Variants in SLIT1 observed in about 807,000 individuals in gnomAD.
SLIT1 encodes the protein slit guidance ligand 1.
SLIT1 carries 66 observed loss-of-function variants against 186.1 expected under a neutral mutation model. The ratio of observed to expected loss-of-function variants is 0.35; its 90% CI spans 0.29 to 0.44. SLIT1 has a LOEUF of 0.44. SLIT1 is among the 20% of genes least tolerant of loss of function. SLIT1 has a pLI of 1.00. For missense variants in SLIT1, 1,638 were observed against 2,037.4 expected, an observed-to-expected ratio of 0.80 and a Z score of 3.77; for synonymous variants, 761 against 833.8, an observed-to-expected ratio of 0.91 and a Z score of 1.50.
chr10:97,082,059 C>T (rs540592791), intron 4 of SLIT1, among the ~76,000 whole-genome samples: 2 of 152,376 alleles, frequency 1.3e-5, no homozygotes, highest in East Asian at 1.9e-4. Context: ...CTAGGAGAGG[C>T]ATGTGCTGAC....
intron 20 of SLIT1, among the ~76,000 whole-genome samples, chr10:97,041,352 C>G (rs1274078934): frequency 6.6e-6 from 1 of 150,784 alleles, no homozygotes; most frequent in African/African-American, 2.4e-5. Context: ...GCAAGATCCT[C>G]TGTGTGCCAC....
chr10:97,179,101 T>G (rs538551299), intron 1 of SLIT1, among the ~76,000 whole-genome samples: 1 of 152,082 alleles, frequency 6.6e-6, no homozygotes, highest in South Asian at 2.1e-4. Context: ...AAACCCTACC[T>G]CCACAACACA....
Position 97,004,178 on chromosome 10 carries a change from A to G in SLIT1, c.3755T>C (p.Val1252Ala), listed in dbSNP as rs1848338517. The change falls in exon 34 of 37, where the codon GTT (valine) becomes GCT (alanine). Residue 1252 changes from valine to alanine, a missense_variant. Val to Ala is a moderately conservative substitution (Grantham distance 64, BLOSUM62 0). Coordinates refer to ENST00000266058, the MANE Select transcript of SLIT1 (RefSeq NM_003061.3). This position sits in a 1 kb window ranked among gnomAD's most constrained non-coding sequence, Gnocchi z 5.1. The stretch of plus-strand genomic sequence containing the variant: ...GAGATTCACCATCTGGTCAAAGGCA[A>G]CCAGCTCAACGGTGTGGAATTGCCC... ...NDGQFHTVEL[V>A]AFDQMVNLSI... The G allele has an allele frequency of 1.2e-6, 2 of 1,613,746 alleles. No homozygotes were observed. Among genetic ancestry groups the G allele is most frequent in the African/African-American group, 1.3e-5 (1 of 74,946 alleles).
intron 10 of SLIT1, 90 bp from the exon 11 acceptor site, chr10:97,059,621 G>A: frequency 1.1e-6 from 1 of 913,196 alleles, no homozygotes; most frequent in Non-Finnish European, 1.8e-6. Context: ...AGATGTCACA[G>A]GAGCAGGGTG....
In SLIT1 at chr10:97,147,319, T is replaced by G. The variant is rs113588377; in HGVS notation, c.413+10499A>C. On this transcript the variant is annotated intron_variant, in intron 4 of 36. Coordinates refer to ENST00000266058, the MANE Select transcript of SLIT1 (RefSeq NM_003061.3). ...ATGGGTACAGAGTTTATATTGGGGATGTTGAAAACATTTTGGGTATAGATA... is the reference window on the plus strand; with the variant it reads ...ATGGGTACAGAGTTTATATTGGGGAGGTTGAAAACATTTTGGGTATAGATA... 3.0e-3 allele frequency among the ~76,000 whole-genome samples: 463 copies of G among 152,344 alleles called. 3 individuals carry two copies. The highest frequency in any genetic ancestry group is 0.011 in the African/African-American group (445 of 41,578).
At chr10:97,164,956 G>T in intron 1 of SLIT1, 66 bp from the exon 2 acceptor site, 1 of 1,247,048 alleles carries the variant, frequency 8.0e-7, no homozygotes, top group Non-Finnish European at 1.2e-6. Flanking sequence ...CAGGGGCCCT[G>T]CTCCAGGTGC....
chr10:97,094,863 C>T (rs192539854), intron 4 of SLIT1, among the ~76,000 whole-genome samples: 29 of 152,288 alleles, frequency 1.9e-4, no homozygotes, highest in African/African-American at 7.0e-4. Context: ...AGAACTTTTA[C>T]AATTTATGGA....
In SLIT1 at chr10:97,117,553, C is replaced by G; in HGVS notation, c.413+40265G>C. 1.3e-5 allele frequency among the ~76,000 whole-genome samples: 2 copies of G among 152,148 alleles called. 1 individual carries two copies. The highest frequency in any genetic ancestry group is 1.3e-4 in the Admixed American group (2 of 15,284). On this transcript the variant is annotated intron_variant, in intron 4 of 36. Transcript: ENST00000266058. ...ATTTCCAGGAACAACCCTTGAGGCT[C>G]TATAGCATACTACTGCCACCTGGTG...
intron 22 of SLIT1, among the ~76,000 whole-genome samples, chr10:97,037,202 C>A (rs1285763280): frequency 6.6e-6 from 1 of 152,032 alleles, no homozygotes; most frequent in African/African-American, 2.4e-5. Context: ...TCAAGCGATT[C>A]TCCTACCTCA....
intron 4 of SLIT1, among the ~76,000 whole-genome samples, chr10:97,150,241 G>A (rs1040647181): frequency 6.6e-6 from 1 of 152,184 alleles, no homozygotes; most frequent in Admixed American, 6.5e-5. Flanking sequence ...GCATGGATGC[G>A]TCACAATAGC....
At chr10:97,165,120 G>A (rs1356648082) in intron 1 of SLIT1, among the ~76,000 whole-genome samples, 1 of 152,216 alleles carries the variant, frequency 6.6e-6, no homozygotes, top group Admixed American at 6.5e-5. Context: ...TGGGAGTGCT[G>A]TGGAAACCAA....
At chr10:97,044,912 G>C (rs913959070) in intron 18 of SLIT1, among the ~76,000 whole-genome samples, 1 of 152,232 alleles carries the variant, frequency 6.6e-6, no homozygotes, top group Non-Finnish European at 1.5e-5. Flanking sequence ...GATCAGGATG[G>C]GGGTTCTTTG....
chr10:97,002,142 G>T lies in SLIT1; in HGVS notation c.4366+16C>A. 7.0e-7 allele frequency: 1 copy of T among 1,423,522 alleles called. No individual in the cohort carries two copies. Among genetic ancestry groups the T allele is most frequent in the Non-Finnish European group, 9.3e-7 (1 of 1,080,606 alleles). 88.2% of individuals were successfully genotyped at this position (1,423,522 alleles called of 1,614,324 possible). A position where few individuals can be genotyped will look rare whatever the true frequency, so the allele number is the denominator to read the frequency against. On this transcript the variant is annotated intron_variant, in intron 36 of 36. Coordinates refer to ENST00000266058, the MANE Select transcript of SLIT1 (RefSeq NM_003061.3). ...GGGGACCCTGGGGAGGGCACGTCAGGAGGGGGGCCCCTGACCTTGCTCACA... is the reference window on the plus strand; with the variant it reads ...GGGGACCCTGGGGAGGGCACGTCAGTAGGGGGGCCCCTGACCTTGCTCACA...
intron 8 of SLIT1, among the ~76,000 whole-genome samples, chr10:97,062,800 G>A (rs938955317): frequency 3.3e-5 from 5 of 152,274 alleles, no homozygotes; most frequent in Admixed American, 3.3e-4. Context: ...ACGGCCAGGT[G>A]AGTACACGAG....
rs367672062 is a variant in SLIT1 at position 97,065,985 on chromosome 10, C to T, written c.485+30G>A. 7.8e-5 allele frequency: 120 copies of T among 1,542,356 alleles called. 1 individual carries two copies. The highest frequency in any genetic ancestry group is 6.6e-4 in the South Asian group (57 of 86,074). ...GCCAGGAGTGGCCCTGGAGCCCCCA[C>T]ACCCTTCTCCCTCCCAGGCCTGTAC... On this transcript the variant is annotated intron_variant, in intron 5 of 36. Coordinates refer to ENST00000266058, the MANE Select transcript of SLIT1 (RefSeq NM_003061.3).
chr10:97,119,913 G>A lies in SLIT1; in HGVS notation c.413+37905C>T, dbSNP rs1482027193. Among the ~76,000 whole-genome samples, 12 of 56,520 alleles carry A rather than the reference G, an allele frequency of 2.1e-4. No homozygotes were observed. In the East Asian group the frequency reaches 3.2e-3, roughly 15 times the overall value. 37.1% of individuals were successfully genotyped at this position (56,520 alleles called of 152,430 possible). A position where few individuals can be genotyped will look rare whatever the true frequency, so the allele number is the denominator to read the frequency against. On this transcript the variant is annotated intron_variant, in intron 4 of 36. Transcript: ENST00000266058. ...AAATACATATTTTTTTTCCAAAGGG[G>A]TATATATATATATATATATATATAT...
Position 97,066,000 on chromosome 10 carries a change from C to T in SLIT1, c.485+15G>A, listed in dbSNP as rs781222149. ...GGAGCCCCCACACCCTTCTCCCTCCCAGGCCTGTACTCACAAATTTTTAAG... is the reference window on the plus strand; with the variant it reads ...GGAGCCCCCACACCCTTCTCCCTCCTAGGCCTGTACTCACAAATTTTTAAG... On this transcript the variant is annotated intron_variant, in intron 5 of 36. Transcript: ENST00000266058. 4.4e-6 allele frequency: 7 copies of T among 1,589,114 alleles called. No homozygotes were observed. Among genetic ancestry groups the T allele is most frequent in the Admixed American group, 1.7e-5 (1 of 58,042 alleles).
rs1415692563 is a variant in SLIT1, at chr10:97,006,982, A to G, written c.3342-262T>C. 1.3e-5 allele frequency among the ~76,000 whole-genome samples: 2 copies of G among 152,224 alleles called. No homozygotes were observed. On this transcript the variant is annotated intron_variant, in intron 31 of 36. Coordinates refer to ENST00000266058, the MANE Select transcript of SLIT1 (RefSeq NM_003061.3). This position sits in a 1 kb window ranked among gnomAD's most constrained non-coding sequence, Gnocchi z 4.0. Reference sequence around the variant, plus strand: ...AAACCCACTGAATCTGCTTTTTAACAAGATCCAAGGTGATTACTGACAATG... The same window carrying G: ...AAACCCACTGAATCTGCTTTTTAACGAGATCCAAGGTGATTACTGACAATG...
intron 1 of SLIT1, among the ~76,000 whole-genome samples, chr10:97,175,476 T>G (rs1850243848): frequency 1.3e-5 from 2 of 152,158 alleles, no homozygotes; most frequent in African/African-American, 4.8e-5. Context: ...CCATACTGTT[T>G]TCCATAGTAG....
Sources: allele counts gnomAD v4.1 joint callset (sites outside exome capture counted in the v4.1 genomes callset), GRCh38; gene constraint gnomAD v4.1.1; non-coding constraint Gnocchi (gnomAD v3.1); transcripts MANE v1.5; gene names NCBI Gene and HGNC (gene_info 2026-07-23, HGNC 2026-07-21).